The following TMEM243 variants were observed in gnomAD, a reference collection of about 807,000 sequenced individuals.
TMEM243 encodes the protein transmembrane protein 243.
A neutral mutation model predicts 15.0 loss-of-function variants in TMEM243; 20 were observed. That is an observed-to-expected ratio of 1.33 (90% CI 0.94 to 1.93). The LOEUF (loss-of-function observed/expected upper bound fraction) is 1.93. TMEM243 is among the 30% of genes most tolerant of loss of function. The pLI is 0.00. For synonymous variants in TMEM243, 72 were observed against 52.7 expected (o/e 1.37, Z -1.59); for missense variants, 156 against 142.1 (o/e 1.10, Z -0.50).
intron 3 of TMEM243, chr7:87,197,688 A>AT (rs71906317): frequency 0.012 from 12,145 of 981,984 alleles, 954 homozygotes; most frequent in Admixed American, 0.064. Flanking sequence ...CTTTCCACTA[A>AT]TTTTTTTTTT....
At chr7:87,208,465 G>C (rs1339213171) in intron 1 of TMEM243, among the ~76,000 whole-genome samples, 1 of 152,162 alleles carries the variant, frequency 6.6e-6, no homozygotes, top group Non-Finnish European at 1.5e-5. Context: ...GTTTTGGGCG[G>C]CTCTGCCCCT....
chr7:87,197,820 G>A, intron 3 of TMEM243, 121 bp downstream of exon 3: 2 of 1,551,826 alleles, frequency 1.3e-6, no homozygotes, highest in Non-Finnish European at 1.7e-6. Flanking sequence ...TACTTTTAGG[G>A]GGAGGATGAG....
At chr7:87,198,388 T>C (rs1375260222) in intron 2 of TMEM243, 1 of 218,090 alleles carries the variant, frequency 4.6e-6, no homozygotes, top group Non-Finnish European at 9.0e-6. Context: ...GCAAAATGAA[T>C]ATAATCAAAG....
At chr7:87,217,617 C>CA (rs2129241008) in intron 1 of TMEM243, among the ~76,000 whole-genome samples, 1 of 152,306 alleles carries the variant, frequency 6.6e-6, no homozygotes, top group Admixed American at 6.5e-5. Flanking sequence ...ATCACCCTGT[C>CA]AACTTCACAG....
chr7:87,206,770 G>A (rs1802252344), intron 1 of TMEM243, among the ~76,000 whole-genome samples: 1 of 152,206 alleles, frequency 6.6e-6, no homozygotes, highest in Non-Finnish European at 1.5e-5. Flanking sequence ...TGAATTAGTG[G>A]GAACTACTAC....
intron 1 of TMEM243, among the ~76,000 whole-genome samples, chr7:87,208,431 T>C (rs973523384): frequency 7.2e-5 from 11 of 152,330 alleles, no homozygotes; most frequent in African/African-American, 2.6e-4. Flanking sequence ...CAGGTCATGC[T>C]GATGCAAGAG....
intron 1 of TMEM243, among the ~76,000 whole-genome samples, chr7:87,218,367 G>T (rs902766390): frequency 6.6e-6 from 1 of 152,156 alleles, no homozygotes; most frequent in East Asian, 1.9e-4. Context: ...AGAAGAGAAA[G>T]TAAAATCCAC....
At chr7:87,213,632 T>C (rs1301666473) in intron 1 of TMEM243, among the ~76,000 whole-genome samples, 1 of 152,238 alleles carries the variant, frequency 6.6e-6, no homozygotes, top group East Asian at 1.9e-4. Context: ...CTACTGATCC[T>C]TGTTCTTAAA....
At chr7:87,207,314 G>A (rs112520953) in intron 1 of TMEM243, among the ~76,000 whole-genome samples, 95 of 4,376 alleles carry the variant, frequency 0.022, 41 homozygotes, top group African/African-American at 0.071. Flanking sequence ...AGCAAAAGCC[G>A]GCCGGGCGCG....
intron 1 of TMEM243, among the ~76,000 whole-genome samples, chr7:87,200,621 A>G (rs769573415): frequency 7.2e-5 from 11 of 152,214 alleles, no homozygotes; most frequent in Non-Finnish European, 1.6e-4. Context: ...AGTAGGAGAA[A>G]AATAATGGTA....
intron 1 of TMEM243, among the ~76,000 whole-genome samples, chr7:87,216,394 C>T (rs1584555865): frequency 6.6e-6 from 1 of 152,148 alleles, no homozygotes; most frequent in South Asian, 2.1e-4. Flanking sequence ...TGCAGTGAAC[C>T]GTGGTCAGGC....
chr7:87,202,956 A>G (rs181915912), intron 1 of TMEM243: 62 of 152,404 alleles, frequency 4.1e-4, no homozygotes, highest in Non-Finnish European at 8.5e-4. Context: ...GAGAACCCCT[A>G]TACTTGCCTG....
At position 87,219,551 on chromosome 7, in the gene TMEM243, T is replaced by C. The variant is rs1334928503; in HGVS notation, c.-48A>G. The C allele has an allele frequency of 5.1e-6, 8 of 1,562,916 alleles. No individual in the cohort carries two copies. The highest frequency in any genetic ancestry group is 1.7e-5 in the Admixed American group (1 of 59,324). On this transcript the variant is annotated 5_prime_UTR_variant, in exon 1 of 4. The change abolishes an upstream ATG in the 5' untranslated region. Transcript: ENST00000257637. ...CAAGCCACTTAAAAGCAAGACAGCA[T>C]GACCTCCCGAGGTCTCAGGTCCACG...
chr7:87,208,856 A>G (rs575228321), intron 1 of TMEM243, among the ~76,000 whole-genome samples: 30 of 152,368 alleles, frequency 2.0e-4, no homozygotes, highest in African/African-American at 7.2e-4. Context: ...CCCAGGGTGT[A>G]AATACTCTAA....
At chr7:87,202,058 T>A (rs1305697449) in intron 1 of TMEM243, among the ~76,000 whole-genome samples, 2 of 152,152 alleles carry the variant, frequency 1.3e-5, no homozygotes, top group African/African-American at 4.8e-5. Flanking sequence ...TACATACATG[T>A]ATATATATAG....
In TMEM243 at chr7:87,199,041, A is replaced by G. The variant is rs1173509830; in HGVS notation, c.95T>C (p.Leu32Ser). 6.2e-7 allele frequency: 1 copy of G among 1,606,122 alleles called. No individual in the cohort carries two copies. The highest frequency in any genetic ancestry group is 8.5e-7 in the Non-Finnish European group (1 of 1,177,406). ...TAAGGATGTTAAGCTGCCAACAACT[A>G]AATTGATGATTCGATCCTGAAAGAG... ...ETSAKDRIIN[L>S]VVGSLTSLLI... Residue 32 changes from leucine to serine, a missense_variant, in exon 2 of 4, where the codon TTA (leucine) becomes TCA (serine). Leu to Ser is a moderately radical substitution (Grantham distance 145, BLOSUM62 -2). Coordinates refer to ENST00000257637, the MANE Select transcript of TMEM243 (RefSeq NM_024315.4).
intron 1 of TMEM243, among the ~76,000 whole-genome samples, chr7:87,202,355 G>A (rs1320609999): frequency 6.6e-6 from 1 of 152,132 alleles, no homozygotes; most frequent in Non-Finnish European, 1.5e-5. Flanking sequence ...GAGAACAAAA[G>A]CATTGCTGTT....
At chr7:87,213,118 T>C (rs1402245853) in intron 1 of TMEM243, among the ~76,000 whole-genome samples, 1 of 152,148 alleles carries the variant, frequency 6.6e-6, no homozygotes, top group Non-Finnish European at 1.5e-5. Context: ...AAGGGGTCCA[T>C]GGAGAGGTAT....
intron 3 of TMEM243, among the ~76,000 whole-genome samples, chr7:87,197,150 C>A (rs1335166133): frequency 2.0e-5 from 3 of 152,034 alleles, no homozygotes; most frequent in African/African-American, 7.2e-5. Context: ...TAAACTAGTT[C>A]ATTGTCTGTT....
Sources: allele counts gnomAD v4.1 joint callset (sites outside exome capture counted in the v4.1 genomes callset), GRCh38; gene constraint gnomAD v4.1.1; transcripts MANE v1.5; gene names NCBI Gene and HGNC (gene_info 2026-07-23, HGNC 2026-07-21).